DEAF1: variants seen among roughly 807,000 people sequenced by gnomAD.
The protein encoded by DEAF1 is deformed epidermal autoregulatory factor 1 homolog.
DEAF1 carries 53 observed loss-of-function variants against 58.9 expected under a neutral mutation model. That is an observed-to-expected ratio of 0.90 (90% CI 0.72 to 1.13). The LOEUF (loss-of-function observed/expected upper bound fraction) is 1.13. DEAF1 is among the 50% of genes most tolerant of loss of function. DEAF1 has a pLI of 0.00. For missense variants in DEAF1, 685 were observed against 791.4 expected (o/e 0.87, Z 1.61); for synonymous variants, 385 against 340.4 (o/e 1.13, Z -1.44).
chr11:653,234 G>T (rs1484057296), intron 11 of DEAF1, among the ~76,000 whole-genome samples: 1 of 147,316 alleles, frequency 6.8e-6, no homozygotes, highest in African/African-American at 2.6e-5. Flanking sequence ...AATAATAGAG[G>T]AACTGTGGAC....
chr11:695,754 TG>T (rs1861103373), upstream of DEAF1: 2 of 1,237,968 alleles, frequency 1.6e-6, no homozygotes, highest in African/African-American at 3.1e-5. Context: ...GACGCGAAAA[TG>T]GCCGAAGGAG....
chr11:674,121 C>T (rs1027849341), intron 10 of DEAF1: 11 of 292,876 alleles, frequency 3.8e-5, no homozygotes, highest in South Asian at 2.6e-4. Flanking sequence ...GGACGGAGCT[C>T]GGCTCCCAGG....
intron 9 of DEAF1, chr11:678,449 G>C (rs915135597): frequency 2.2e-6 from 1 of 462,962 alleles, no homozygotes; most frequent in Non-Finnish European, 4.0e-6. Flanking sequence ...GGTTTCTAGG[G>C]GCGTGCCCTG....
chr11:706,982 G>C (rs1390687767), exon 1 of DEAF1, among the ~76,000 whole-genome samples: 1 of 152,026 alleles, frequency 6.6e-6, no homozygotes, highest in Non-Finnish European at 1.5e-5. Context: ...GTTGCCCCTT[G>C]CTGCGGGGTG....
At chr11:703,450 C>T in intron 1 of DEAF1, 1 of 1,279,858 alleles carries the variant, frequency 7.8e-7, no homozygotes, top group Non-Finnish European at 9.8e-7. Flanking sequence ...GCTTTAGCAG[C>T]CAGGCCTCCA....
chr11:699,907 C>T (rs747531889), upstream of DEAF1: 7 of 538,078 alleles, frequency 1.3e-5, no homozygotes, highest in South Asian at 1.3e-4. Context: ...GTGCACAGAC[C>T]GCATTGTTGT....
intron 9 of DEAF1, 133 bp downstream of exon 9, chr11:678,561 C>T (rs10902190): frequency 0.3 from 387,460 of 1,296,270 alleles, 61,547 homozygotes; most frequent in Admixed American, 0.33. Context: ...CACACTTTAC[C>T]AGCCACTGAT....
chr11:660,739 G>A (rs565676397), intron 10 of DEAF1, among the ~76,000 whole-genome samples: 1 of 152,368 alleles, frequency 6.6e-6, no homozygotes, highest in East Asian at 1.9e-4. Flanking sequence ...GGGTCTGGCC[G>A]GGCCTATTTG....
At chr11:652,922 A>G (rs1307416103) in intron 11 of DEAF1, among the ~76,000 whole-genome samples, 1 of 151,518 alleles carries the variant, frequency 6.6e-6, no homozygotes, top group East Asian at 2.0e-4. Context: ...CGTCTCTACT[A>G]AAAATACAAA....
Position 694,976 on chromosome 11 carries a change from AGCGGCC to A in DEAF1, c.66_71del (p.Ala23_Ala24del). 9.9e-7 allele frequency: 1 copy of A among 1,013,188 alleles called. No homozygotes were observed. The highest frequency in any genetic ancestry group is 1.2e-6 in the Non-Finnish European group (1 of 831,808). 62.8% of individuals were successfully genotyped at this position (1,013,188 alleles called of 1,614,324 possible). On this transcript the variant is annotated inframe_deletion, in exon 1 of 12. Transcript: ENST00000382409. ...CCGCGGCCGCGGCCGCCGCCGCCAC[AGCGGCC>A]GCGGCCGCCACCGCCGCCGCCTCAG...
chr11:683,240 A>G (rs1242249913), intron 6 of DEAF1, among the ~76,000 whole-genome samples: 1 of 152,234 alleles, frequency 6.6e-6, no homozygotes, highest in Non-Finnish European at 1.5e-5. Context: ...AATCCAAGAA[A>G]TCCTAGTTCT....
At chr11:650,399 A>AAAAAAG (rs1858712671) in intron 11 of DEAF1, among the ~76,000 whole-genome samples, 1 of 148,874 alleles carries the variant, frequency 6.7e-6, no homozygotes, top group Non-Finnish European at 1.5e-5. Flanking sequence ...AAAAAAAAAA[A>AAAAAAG]GGCAGAGACT....
chr11:661,130 G>C (rs549009922), intron 10 of DEAF1, among the ~76,000 whole-genome samples: 1 of 152,188 alleles, frequency 6.6e-6, no homozygotes, highest in South Asian at 2.1e-4. Flanking sequence ...GCCTGAGAGC[G>C]AGCTACTAGA....
intron 1 of DEAF1, among the ~76,000 whole-genome samples, chr11:705,715 C>T (rs1861683542): frequency 6.6e-6 from 1 of 152,136 alleles, no homozygotes; most frequent in Non-Finnish European, 1.5e-5. Flanking sequence ...GACTCTGCCC[C>T]ATGCCTGGGG....
At position 695,170 on chromosome 11, in the gene DEAF1, C is replaced by A. The variant is rs561700962; in HGVS notation, c.-123G>T. The A allele has an allele frequency of 1.5e-3, 1,342 of 918,450 alleles. 2 individuals are homozygous for A. Among genetic ancestry groups the A allele is most frequent in the Middle Eastern group, 7.2e-3 (18 of 2,498 alleles). The allele number at this position is 918,450 out of a possible 1,614,324, so 56.9% of individuals were successfully genotyped here. ...GGCCGAGGCCGCCCGAAGCCGCCGC[C>A]CGAATAGGGACCGAAAAGGCAGCCA... On this transcript the variant is annotated 5_prime_UTR_variant, in exon 1 of 12. Coordinates refer to ENST00000382409, the MANE Select transcript of DEAF1 (RefSeq NM_021008.4).
intron 10 of DEAF1, 52 bp from the exon 11 acceptor site, chr11:654,103 TGA>T: frequency 1.3e-6 from 2 of 1,515,780 alleles, no homozygotes; most frequent in South Asian, 2.3e-5. Flanking sequence ...GGAGAGCCCC[TGA>T]GACACCGGGG....
At chr11:656,158 C>CTTTT (rs1554936925) in intron 10 of DEAF1, among the ~76,000 whole-genome samples, 1 of 124,286 alleles carries the variant, frequency 8.0e-6, no homozygotes, top group Non-Finnish European at 1.8e-5. Context: ...AAATGACAAA[C>CTTTT]TTTTTTTTTT....
At chr11:704,914 G>T in intron 1 of DEAF1, 1 of 352,554 alleles carries the variant, frequency 2.8e-6, no homozygotes, top group Non-Finnish European at 5.6e-6. Context: ...GTGAGGGCAC[G>T]GGTGCACCGA....
Position 688,674 on chromosome 11 carries a change from G to C in DEAF1, c.388-214C>G, listed in dbSNP as rs576075473. 1.3e-5 allele frequency among the ~76,000 whole-genome samples: 2 copies of C among 152,162 alleles called. No individual in the cohort carries two copies. The highest frequency in any genetic ancestry group is 2.9e-5 in the Non-Finnish European group (2 of 68,020). On this transcript the variant is annotated intron_variant, in intron 2 of 11. Coordinates refer to ENST00000382409, the MANE Select transcript of DEAF1 (RefSeq NM_021008.4). The surrounding 1 kb of genome is among the most constrained non-coding windows in gnomAD (Gnocchi z 4.3). ...CAGACAATGCCGAAGTCTGTGTGGT[G>C]CTGAGGAAAATGCTTGCCATCATTT...
Sources: allele counts gnomAD v4.1 joint callset (sites outside exome capture counted in the v4.1 genomes callset), GRCh38; gene constraint gnomAD v4.1.1; non-coding constraint Gnocchi (gnomAD v3.1); transcripts MANE v1.5; gene names NCBI Gene and HGNC (gene_info 2026-07-23, HGNC 2026-07-21).